The following ADAM10 variants were observed in gnomAD, a reference collection of about 807,000 sequenced individuals.
ADAM10 encodes ADAM metallopeptidase domain 10, also known as disintegrin and metalloproteinase domain-containing protein 10.
A neutral mutation model predicts 90.1 loss-of-function variants in ADAM10; 17 were observed. The observed-to-expected ratio is 0.19, with a 90% CI of 0.13 to 0.28. The LOEUF is 0.28. ADAM10 is among the 10% of genes least tolerant of loss of function. ADAM10 has a pLI of 1.00. For synonymous variants in ADAM10, 310 were observed against 298.6 expected (o/e 1.04, Z -0.40); for missense variants, 610 against 914.3 (o/e 0.67, Z 4.29).
chr15:58,594,166 C>T lies in ADAM10; in HGVS notation c.*3381G>A, dbSNP rs1470254336. 6.6e-6 allele frequency: 1 copy of T among 152,192 alleles called. No individual in the cohort carries two copies. Among genetic ancestry groups the T allele is most frequent in the African/African-American group, 2.4e-5 (1 of 41,440 alleles). 9.4% of individuals were successfully genotyped at this position (152,192 alleles called of 1,614,324 possible). A position where few individuals can be genotyped will look rare whatever the true frequency, so the allele number is the denominator to read the frequency against. ...GCAGCTGCTTTAAAACTACATCTGG[C>T]TTGCACCCTGGTTTTGGGAAACCTT... On this transcript the variant is annotated 3_prime_UTR_variant, in exon 16 of 16. Transcript: ENST00000260408.
At chr15:58,613,363 CACACAGACATGA>C (rs1895508056) in intron 11 of ADAM10, among the ~76,000 whole-genome samples, 1 of 152,034 alleles carries the variant, frequency 6.6e-6, no homozygotes, top group African/African-American at 2.4e-5. Context: ...ACCAGACAGG[CACACAGACATGA>C]ACACAGGGAC....
intron 5 of ADAM10, among the ~76,000 whole-genome samples, chr15:58,663,424 T>C (rs1278246075): frequency 6.6e-6 from 1 of 152,210 alleles, no homozygotes; most frequent in Non-Finnish European, 1.5e-5. Context: ...GCTAGTTAAT[T>C]TGTCCATCCT....
At chr15:58,708,877 A>G (rs1898386302) in intron 2 of ADAM10, among the ~76,000 whole-genome samples, 1 of 152,246 alleles carries the variant, frequency 6.6e-6, no homozygotes, top group Non-Finnish European at 1.5e-5. Flanking sequence ...TCAAAAATGT[A>G]TGTCAACCTG....
At position 58,641,749 on chromosome 15, in the gene ADAM10, G is replaced by A. The variant is rs566672706; in HGVS notation, c.829-789C>T. Among the ~76,000 whole-genome samples the A allele has an allele frequency of 7.9e-5, 12 of 152,266 alleles. No homozygotes were observed. The South Asian group carries it at 2.1e-3, about 26-fold the overall frequency. On this transcript the variant is annotated intron_variant, in intron 7 of 15. Transcript: ENST00000260408. ...TGTGTCTCCTCTGAAGTCCTAGAACGATTTGGCTTTCCCCAGGTAAGCCAA... is the reference window on the plus strand; with the variant it reads ...TGTGTCTCCTCTGAAGTCCTAGAACAATTTGGCTTTCCCCAGGTAAGCCAA...
Position 58,626,970 on chromosome 15 carries a change from T to C in ADAM10, c.1360+730A>G, listed in dbSNP as rs139074779. 5.3e-5 allele frequency among the ~76,000 whole-genome samples: 8 copies of C among 152,330 alleles called. No homozygotes were observed. In the East Asian group the frequency reaches 1.2e-3, roughly 22 times the overall value. On this transcript the variant is annotated intron_variant, in intron 10 of 15. Coordinates refer to ENST00000260408, the MANE Select transcript of ADAM10 (RefSeq NM_001110.4). The stretch of plus-strand genomic sequence containing the variant: ...AAAATCAGTTTAAAATGGCACACTT[T>C]ATGCTATATATATTTTACTAAAATA...
At position 58,593,938 on chromosome 15, in the gene ADAM10, A is replaced by C. The variant is rs1333959228; in HGVS notation, c.*3609T>G. The stretch of plus-strand genomic sequence containing the variant: ...TTGAATACAGAAACAATAGTGAAAA[A>C]ACTAAACTGGTAATAAACGGAAAAG... On this transcript the variant is annotated 3_prime_UTR_variant, in exon 16 of 16. Transcript: ENST00000260408. 1.3e-5 allele frequency: 2 copies of C among 152,214 alleles called. No homozygotes were observed. Among genetic ancestry groups the C allele is most frequent in the Non-Finnish European group, 2.9e-5 (2 of 68,034 alleles). 9.4% of individuals were successfully genotyped at this position (152,214 alleles called of 1,614,324 possible). A position where few individuals can be genotyped will look rare whatever the true frequency, so the allele number is the denominator to read the frequency against.
At chr15:58,635,274 C>CAAAAAAAAAAAA (rs58106236) in intron 8 of ADAM10, among the ~76,000 whole-genome samples, 2 of 65,906 alleles carry the variant, frequency 3.0e-5, no homozygotes, top group African/African-American at 7.5e-5. Flanking sequence ...GACTCTGTCT[C>CAAAAAAAAAAAA]AAAAAAAAAA....
intron 2 of ADAM10, chr15:58,691,396 C>A: frequency 1.3e-6 from 1 of 761,896 alleles, no homozygotes. Context: ...CACTCTTGCT[C>A]CACAAAAGCA....
At chr15:58,691,604 C>G in intron 2 of ADAM10, 1 of 475,020 alleles carries the variant, frequency 2.1e-6, no homozygotes, top group Non-Finnish European at 4.2e-6. Flanking sequence ...TAGAGAATAC[C>G]TCATCTAATT....
chr15:58,682,148 T>G, intron 3 of ADAM10, 48 bp downstream of exon 3: 1 of 1,596,848 alleles, frequency 6.3e-7, no homozygotes. Flanking sequence ...TATCTTTGTG[T>G]AGAAAAAAAA....
chr15:58,746,514 A>C (rs1415617078), intron 1 of ADAM10, among the ~76,000 whole-genome samples: 1 of 152,196 alleles, frequency 6.6e-6, no homozygotes, highest in East Asian at 1.9e-4. Flanking sequence ...CACCATCAGG[A>C]AAGTTTACAT....
intron 2 of ADAM10, 138 bp from the exon 3 acceptor site, chr15:58,682,452 T>A: frequency 7.3e-7 from 1 of 1,365,620 alleles, no homozygotes; most frequent in South Asian, 1.5e-5. Flanking sequence ...CTGACCAAGA[T>A]TTTTAAAGAC....
intron 1 of ADAM10, chr15:58,747,623 T>A (rs907590889): frequency 1.4e-4 from 22 of 152,178 alleles, no homozygotes; most frequent in African/African-American, 5.1e-4. Context: ...ATCTTGATAC[T>A]AATTTTAAAA....
chr15:58,742,797 G>A (rs928873073), intron 1 of ADAM10, among the ~76,000 whole-genome samples: 2 of 152,098 alleles, frequency 1.3e-5, no homozygotes, highest in East Asian at 1.9e-4. Flanking sequence ...GAGTTTTTAG[G>A]GTTGCTTGGA....
At chr15:58,625,245 T>C (rs1190124852) in intron 10 of ADAM10, among the ~76,000 whole-genome samples, 3 of 152,146 alleles carry the variant, frequency 2.0e-5, no homozygotes, top group African/African-American at 7.2e-5. Context: ...AGAAAATATT[T>C]GCAAACCAGT....
At position 58,610,504 on chromosome 15, in the gene ADAM10, A is replaced by T. The variant is rs1179514145; in HGVS notation, c.1818T>A (p.Thr606=). 6.2e-7 allele frequency: 1 copy of T among 1,614,188 alleles called. No homozygotes were observed. The highest frequency in any genetic ancestry group is 8.5e-7 in the Non-Finnish European group (1 of 1,180,012). ...ACTGCACAGACCCTGTACTGGCACA[A>T]GTTGATGGGTCCACTGGAAAAGAAA... ...VCCMKKMDPS[T]CASTGSVQWS... Residue 606 remains threonine, a synonymous_variant, in exon 14 of 16, where the codon ACT becomes ACA. Coordinates refer to ENST00000260408, the MANE Select transcript of ADAM10 (RefSeq NM_001110.4).
intron 1 of ADAM10, chr15:58,733,098 C>T (rs1899311597): frequency 6.6e-6 from 1 of 152,188 alleles, no homozygotes; most frequent in Non-Finnish European, 1.5e-5. Context: ...ACAGTCAAGG[C>T]CTAACCTCAT....
At chr15:58,623,586 G>C (rs1173032030) in intron 10 of ADAM10, among the ~76,000 whole-genome samples, 1 of 152,016 alleles carries the variant, frequency 6.6e-6, no homozygotes, top group Non-Finnish European at 1.5e-5. Flanking sequence ...ATGATAGACT[G>C]GATAAATAAA....
chr15:58,698,640 A>C (rs1898048209), intron 2 of ADAM10, among the ~76,000 whole-genome samples: 1 of 152,044 alleles, frequency 6.6e-6, no homozygotes, highest in Admixed American at 6.6e-5. Context: ...CTGGAAGTAA[A>C]GAATTCATTG....
Sources: gnomAD v4.1 joint callset for allele counts (sites outside exome capture counted in the v4.1 genomes callset) on GRCh38, gnomAD v4.1.1 for gene constraint, MANE v1.5 for transcripts, NCBI Gene and HGNC (gene_info 2026-07-23, HGNC 2026-07-21) for gene names.